Variants in RORA observed in about 807,000 individuals in gnomAD.
The protein encoded by RORA is nuclear receptor ROR-alpha.
Under a neutral mutation model 69.5 loss-of-function variants are expected in RORA, and 7 were observed. That is an observed-to-expected ratio of 0.10 (90% CI 0.06 to 0.19). RORA has a LOEUF of 0.19. Among genes scored for constraint, RORA ranks in the 10% least tolerant of loss-of-function variants. The pLI is 1.00. For synonymous variants in RORA, 261 were observed against 240.8 expected (o/e 1.08, Z -0.78); for missense variants, 457 against 663.0 (o/e 0.69, Z 3.41).
intron 1 of RORA, among the ~76,000 whole-genome samples, chr15:61,148,643 A>G (rs2079371755): frequency 6.6e-6 from 1 of 152,224 alleles, no homozygotes; most frequent in African/African-American, 2.4e-5. Flanking sequence ...TTGCTTAATG[A>G]CATTAATTGC....
intron 2 of RORA, among the ~76,000 whole-genome samples, chr15:60,668,360 G>T (rs528115465): frequency 3.3e-5 from 5 of 152,322 alleles, no homozygotes; most frequent in Admixed American, 6.5e-5. Context: ...CTAGACAGTT[G>T]TCTCTAAGGT....
In RORA at chr15:60,690,313, G is replaced by A. The variant is rs575876211; in HGVS notation, c.167-11627C>T. On this transcript the variant is annotated intron_variant, in intron 1 of 10. Coordinates refer to ENST00000335670, the MANE Select transcript of RORA (RefSeq NM_134261.3). ...TTACCAAGACATGTGACCAGGAGGG[G>A]TGTGTGTAACTTCCATGTCACTTAA... 2.6e-5 allele frequency among the ~76,000 whole-genome samples: 4 copies of A among 152,342 alleles called. No homozygotes were observed. The South Asian group carries it at 6.2e-4, about 24-fold the overall frequency.
At chr15:61,096,074 C>T (rs961285960) in intron 1 of RORA, among the ~76,000 whole-genome samples, 12 of 152,198 alleles carry the variant, frequency 7.9e-5, no homozygotes, top group African/African-American at 2.9e-4. Context: ...GAGATTGGCT[C>T]TTCTTGGTGA....
chr15:60,552,146 G>C (rs78878560), intron 2 of RORA, among the ~76,000 whole-genome samples: 2 of 152,250 alleles, frequency 1.3e-5, no homozygotes, highest in Admixed American at 6.5e-5. Context: ...AGGGAGAGAA[G>C]GGCCCAGAAG....
intron 1 of RORA, among the ~76,000 whole-genome samples, chr15:61,112,432 T>G (rs1182233304): frequency 5.9e-5 from 9 of 151,952 alleles, no homozygotes; most frequent in Non-Finnish European, 1.0e-4. Flanking sequence ...GAAAGCAATC[T>G]GAAAAGCCTC....
chr15:61,206,556 C>G (rs1347296147), intron 1 of RORA, among the ~76,000 whole-genome samples: 1 of 152,072 alleles, frequency 6.6e-6, no homozygotes, highest in African/African-American at 2.4e-5. Flanking sequence ...TAATATAGGC[C>G]CAAATAAAAG....
chr15:61,035,231 C>T (rs1896394762), intron 1 of RORA, among the ~76,000 whole-genome samples: 1 of 152,168 alleles, frequency 6.6e-6, no homozygotes, highest in Non-Finnish European at 1.5e-5. Flanking sequence ...CATTTAATGA[C>T]CATTGTTCTG....
chr15:60,780,527 A>G (rs186788956), intron 1 of RORA, among the ~76,000 whole-genome samples: 9 of 152,362 alleles, frequency 5.9e-5, no homozygotes, highest in Admixed American at 4.6e-4. Flanking sequence ...ATGTAGTTTT[A>G]TTTGATGTTT....
At position 60,495,286 on chromosome 15, in the gene RORA, C is replaced by T. The variant is rs2065139449; in HGVS notation, c.*2169G>A. Reference sequence around the variant, plus strand: ...CTTAAATTAAAGATTTGATTTAACCCTTCTTGCCCCAATATAAATACTATA... The same window carrying T: ...CTTAAATTAAAGATTTGATTTAACCTTTCTTGCCCCAATATAAATACTATA... On this transcript the variant is annotated 3_prime_UTR_variant, in exon 11 of 11. Coordinates refer to ENST00000335670, the MANE Select transcript of RORA (RefSeq NM_134261.3). 1 of 152,150 alleles carries T rather than the reference C, an allele frequency of 6.6e-6. No homozygotes were observed. Among genetic ancestry groups the T allele is most frequent in the Admixed American group, 6.6e-5 (1 of 15,266 alleles). 9.4% of individuals were successfully genotyped at this position (152,150 alleles called of 1,614,324 possible). A position where few individuals can be genotyped will look rare whatever the true frequency, so the allele number is the denominator to read the frequency against.
At chr15:61,054,164 T>C (rs181753879) in intron 1 of RORA, among the ~76,000 whole-genome samples, 66 of 152,150 alleles carry the variant, frequency 4.3e-4, no homozygotes, top group African/African-American at 1.5e-3. Flanking sequence ...AATGGAAATG[T>C]TTAAGGATCA....
At chr15:60,805,859 T>G (rs1168671549) in intron 1 of RORA, among the ~76,000 whole-genome samples, 1 of 152,180 alleles carries the variant, frequency 6.6e-6, no homozygotes, top group Non-Finnish European at 1.5e-5. Context: ...CTTTTATAGC[T>G]CTATAATATG....
At chr15:60,665,402 G>A (rs1208727587) in intron 2 of RORA, among the ~76,000 whole-genome samples, 2 of 152,158 alleles carry the variant, frequency 1.3e-5, no homozygotes, top group African/African-American at 4.8e-5. Flanking sequence ...CATGGATAAT[G>A]CAAACAAATG....
At chr15:60,585,115 A>G (rs1293850532) in intron 2 of RORA, among the ~76,000 whole-genome samples, 2 of 152,230 alleles carry the variant, frequency 1.3e-5, no homozygotes, top group Non-Finnish European at 2.9e-5. Context: ...TGCAAAATTC[A>G]TATAAACGTG....
chr15:60,703,948 A>G (rs1199246782), intron 1 of RORA, among the ~76,000 whole-genome samples: 1 of 152,038 alleles, frequency 6.6e-6, no homozygotes, highest in Non-Finnish European at 1.5e-5. Flanking sequence ...GATTGTATCT[A>G]GTAATTTTCT....
At chr15:61,120,719 A>C (rs866319309) in intron 1 of RORA, among the ~76,000 whole-genome samples, 2 of 150,932 alleles carry the variant, frequency 1.3e-5, no homozygotes, top group Non-Finnish European at 3.0e-5. Context: ...AAAAAAAAAA[A>C]CATACCCTAC....
intron 1 of RORA, among the ~76,000 whole-genome samples, chr15:60,755,080 C>T (rs905929817): frequency 2.0e-5 from 3 of 150,632 alleles, no homozygotes; most frequent in African/African-American, 7.3e-5. Context: ...GTGTGCTGCA[C>T]CCATTAACTC....
intron 1 of RORA, among the ~76,000 whole-genome samples, chr15:61,126,012 G>T (rs574265972): frequency 6.6e-6 from 1 of 152,148 alleles, no homozygotes; most frequent in Non-Finnish European, 1.5e-5. Context: ...TTGAAATCTT[G>T]TATTACATTA....
intron 1 of RORA, among the ~76,000 whole-genome samples, chr15:61,220,955 T>C (rs1385051566): frequency 1.3e-5 from 2 of 152,194 alleles, no homozygotes; most frequent in Admixed American, 1.3e-4. Context: ...AAACAGGCAT[T>C]GTTAATCTCT....
At chr15:61,096,161 T>C (rs545049177) in intron 1 of RORA, among the ~76,000 whole-genome samples, 147 of 152,108 alleles carry the variant, frequency 9.7e-4, no homozygotes, top group African/African-American at 3.0e-3. Context: ...CACACCCACA[T>C]TGGGGGAGTG....
Sources: gnomAD v4.1 joint callset for allele counts (sites outside exome capture counted in the v4.1 genomes callset) on GRCh38, gnomAD v4.1.1 for gene constraint, MANE v1.5 for transcripts, NCBI Gene and HGNC (gene_info 2026-07-23, HGNC 2026-07-21) for gene names.